Variants in SLCO3A1 observed in about 807,000 individuals in gnomAD.
The protein encoded by SLCO3A1 is solute carrier organic anion transporter family member 3A1, also known as PGE1 transporter.
A neutral mutation model predicts 63.1 loss-of-function variants in SLCO3A1; 27 were observed. That is an observed-to-expected ratio of 0.43 (90% confidence interval 0.32 to 0.59). The LOEUF (loss-of-function observed/expected upper bound fraction) is 0.59, where lower values mean the gene tolerates loss of function less well. SLCO3A1 is among the 20% of genes least tolerant of loss of function. The pLI, the probability that SLCO3A1 is intolerant of heterozygous loss-of-function variation, is 0.09. For missense variants in SLCO3A1, 773 were observed against 945.8 expected, an observed-to-expected ratio of 0.82 and a Z score of 2.40; for synonymous variants, 473 against 409.9, an observed-to-expected ratio of 1.15 and a Z score of -1.86.
At chr15:92,016,270 A>ATAGATATAGATAGATAGAT (rs764828765) in intron 2 of SLCO3A1, among the ~76,000 whole-genome samples, 168 of 129,162 alleles carry the variant, frequency 1.3e-3, no homozygotes, top group Non-Finnish European at 1.7e-3. Flanking sequence ...AGATAGATAG[A>ATAGATATAGATAGATAGAT]TAGATAGATA....
Position 91,905,650 on chromosome 15 carries a change from C to T in SLCO3A1, c.181-10343C>T, listed in dbSNP as rs183919837. 2.5e-3 allele frequency among the ~76,000 whole-genome samples: 373 copies of T among 149,446 alleles called. 1 individual carries two copies. Among genetic ancestry groups the T allele is most frequent in the Middle Eastern group, 0.01 (3 of 290 alleles). On this transcript the variant is annotated intron_variant, in intron 1 of 9. Transcript: ENST00000318445. ...AGTTTTTTGTTTTTTTTTTAAGTTA[C>T]GTGGTCAAGGGAGTTTCAGGAAATG...
intron 7 of SLCO3A1, among the ~76,000 whole-genome samples, chr15:92,142,880 T>C (rs1375995136): frequency 6.6e-6 from 1 of 152,034 alleles, no homozygotes; most frequent in Non-Finnish European, 1.5e-5. Context: ...GTAAATATAA[T>C]ATAATCGAGC....
At chr15:92,018,961 T>C (rs545557516) in intron 2 of SLCO3A1, among the ~76,000 whole-genome samples, 3 of 152,194 alleles carry the variant, frequency 2.0e-5, no homozygotes, top group African/African-American at 4.8e-5. Flanking sequence ...GGAATTTTTT[T>C]CCCCCCAGGA....
rs11856080 is a variant in SLCO3A1, at chr15:92,009,645, A to G, written c.647-85236A>G. ...GGTCAACAAGTCTCAGTTTCCTTCC[A>G]ACATTTTGAATGACAGTACCCACAT... On this transcript the variant is annotated intron_variant, in intron 2 of 9. Transcript: ENST00000318445. Among the ~76,000 whole-genome samples the G allele has an allele frequency of 2.0e-5, 3 of 152,180 alleles. No individual in the cohort carries two copies. The East Asian group carries it at 5.8e-4, about 29-fold the overall frequency.
At chr15:92,034,827 A>C (rs28656147) in intron 2 of SLCO3A1, among the ~76,000 whole-genome samples, 13,730 of 151,914 alleles carry the variant, frequency 0.09, 1,908 homozygotes, top group African/African-American at 0.29. Flanking sequence ...TGGCCAGTGA[A>C]AATAACGCTT....
At chr15:92,124,523 A>AT (rs1423898801) in intron 5 of SLCO3A1, among the ~76,000 whole-genome samples, 3 of 152,152 alleles carry the variant, frequency 2.0e-5, no homozygotes, top group African/African-American at 7.2e-5. Context: ...TAGCTCATTC[A>AT]TTCTGAAAAT....
In SLCO3A1 at chr15:92,150,693, C is replaced by T. The variant is rs556552643; in HGVS notation, c.1689-257C>T. On this transcript the variant is annotated intron_variant, in intron 8 of 9. Transcript: ENST00000318445. The stretch of plus-strand genomic sequence containing the variant: ...ATGACCAAATTTGCATTCTGTCCTT[C>T]GAATGACAAGGTTAGCTCCAGTTAT... Among the ~76,000 whole-genome samples, 22 of 151,748 alleles carry T rather than the reference C, an allele frequency of 1.4e-4. 1 individual carries two copies. Among genetic ancestry groups the T allele is most frequent in the South Asian group, 8.3e-4 (4 of 4,810 alleles).
chr15:91,992,824 A>C (rs895769500), intron 2 of SLCO3A1, among the ~76,000 whole-genome samples: 1 of 152,204 alleles, frequency 6.6e-6, no homozygotes, highest in African/African-American at 2.4e-5. Context: ...CAATGGCACA[A>C]TTATAATCCT....
At chr15:91,918,323 C>T (rs538600617) in intron 2 of SLCO3A1, among the ~76,000 whole-genome samples, 1 of 152,288 alleles carries the variant, frequency 6.6e-6, no homozygotes, top group African/African-American at 2.4e-5. Flanking sequence ...ACTATTCAGC[C>T]AAATTTCTAT....
At chr15:91,992,796 A>G (rs2046142776) in intron 2 of SLCO3A1, among the ~76,000 whole-genome samples, 1 of 152,208 alleles carries the variant, frequency 6.6e-6, no homozygotes, top group Non-Finnish European at 1.5e-5. Context: ...CAAGGGTCCC[A>G]ACTCTGGTGA....
At chr15:92,052,721 C>T (rs1455844937) in intron 2 of SLCO3A1, among the ~76,000 whole-genome samples, 1 of 152,198 alleles carries the variant, frequency 6.6e-6, no homozygotes, top group Admixed American at 6.5e-5. Context: ...CATGTGGCTG[C>T]TGAGCACTTG....
At chr15:92,007,295 A>G (rs1299148006) in intron 2 of SLCO3A1, among the ~76,000 whole-genome samples, 1 of 152,248 alleles carries the variant, frequency 6.6e-6, no homozygotes, top group Non-Finnish European at 1.5e-5. Flanking sequence ...GCATTGTTCC[A>G]TAGTGAAAAG....
At chr15:91,926,596 T>TGTGTGTGTGTGTGTGCGCGCGCGCGC in intron 2 of SLCO3A1, among the ~76,000 whole-genome samples, 16 of 105,308 alleles carry the variant, frequency 1.5e-4, no homozygotes, top group African/African-American at 5.8e-4. Context: ...TGTGTGTGTG[T>TGTGTGTGTGTGTGTGCGCGCGCGCGC]GCGCGCGCGC....
chr15:92,123,890 G>T (rs191129651), intron 5 of SLCO3A1, among the ~76,000 whole-genome samples: 1 of 152,310 alleles, frequency 6.6e-6, no homozygotes, highest in South Asian at 2.1e-4. Flanking sequence ...GCCTTATTGC[G>T]CCTTTCTGTC....
intron 2 of SLCO3A1, among the ~76,000 whole-genome samples, chr15:91,979,367 A>C (rs182705008): frequency 1.6e-4 from 25 of 152,374 alleles, no homozygotes; most frequent in Admixed American, 3.3e-4. Context: ...TGCTGACTGC[A>C]GTTTGACTGC....
chr15:91,989,349 G>A (rs1272059846), intron 2 of SLCO3A1, among the ~76,000 whole-genome samples: 3 of 152,156 alleles, frequency 2.0e-5, no homozygotes, highest in African/African-American at 7.2e-5. Flanking sequence ...CCTATCGTGT[G>A]AGCAACTCTG....
chr15:91,973,831 C>T (rs1389063448), intron 2 of SLCO3A1, among the ~76,000 whole-genome samples: 2 of 152,194 alleles, frequency 1.3e-5, no homozygotes, highest in African/African-American at 4.8e-5. Context: ...AAGGGGAAAG[C>T]AGGCTCTCGA....
intron 2 of SLCO3A1, among the ~76,000 whole-genome samples, chr15:92,032,698 C>A (rs1268877199): frequency 6.6e-6 from 1 of 151,986 alleles, no homozygotes; most frequent in African/African-American, 2.4e-5. Flanking sequence ...GTGCAGAGGC[C>A]CCCATCGAAG....
rs145301959 is a variant in SLCO3A1, at chr15:91,960,173, C to T, written c.646+43715C>T. Among the ~76,000 whole-genome samples the T allele has an allele frequency of 1.8e-3, 271 of 152,202 alleles. 1 individual carries two copies. Among genetic ancestry groups the T allele is most frequent in the African/African-American group, 6.0e-3 (248 of 41,518 alleles). The stretch of plus-strand genomic sequence containing the variant: ...TAACTTTTTGTATTGTTAGTAGAGA[C>T]GGAGTTTCACGATGTTAGCCAGGAT... On this transcript the variant is annotated intron_variant, in intron 2 of 9. Coordinates refer to ENST00000318445, the MANE Select transcript of SLCO3A1 (RefSeq NM_013272.4).
Sources: allele counts gnomAD v4.1 joint callset (sites outside exome capture counted in the v4.1 genomes callset), GRCh38; gene constraint gnomAD v4.1.1; transcripts MANE v1.5; gene names NCBI Gene and HGNC (gene_info 2026-07-23, HGNC 2026-07-21).